Variants in PDZRN4 observed in about 807,000 individuals in gnomAD.
PDZRN4 encodes the protein PDZ domain-containing RING finger protein 4.
In PDZRN4, 70 loss-of-function variants were observed where a neutral mutation model predicts 99.0. The ratio of observed to expected loss-of-function variants is 0.71; its 90% CI spans 0.58 to 0.86. The LOEUF is 0.86. PDZRN4 is among the 40% of genes least tolerant of loss of function. The pLI, the probability that PDZRN4 is intolerant of heterozygous loss-of-function variation, is 0.00. For missense variants in PDZRN4, 1,474 were observed against 1,331.2 expected, an observed-to-expected ratio of 1.11 and a Z score of -1.67; for synonymous variants, 551 against 501.6, an observed-to-expected ratio of 1.10 and a Z score of -1.32.
intron 3 of PDZRN4, among the ~76,000 whole-genome samples, chr12:41,398,780 T>G (rs980765912): frequency 6.6e-6 from 1 of 152,206 alleles, no homozygotes; most frequent in Non-Finnish European, 1.5e-5. Context: ...ATGTAAATTA[T>G]AATACAAGAG....
chr12:41,344,121 T>C (rs950939661), intron 3 of PDZRN4, among the ~76,000 whole-genome samples: 1 of 152,148 alleles, frequency 6.6e-6, no homozygotes, highest in African/African-American at 2.4e-5. Context: ...ATACTGGTGA[T>C]CAAATAAGTT....
At chr12:41,525,198 G>A (rs927397772) in intron 5 of PDZRN4, among the ~76,000 whole-genome samples, 1 of 152,088 alleles carries the variant, frequency 6.6e-6, no homozygotes, top group Admixed American at 6.6e-5. Context: ...AGGCCTGGAT[G>A]AGAGAGTCCC....
In PDZRN4 at chr12:41,454,864, T is replaced by A. The variant is rs138638121; in HGVS notation, c.844-51592T>A. ...CACTTTCCAATAGAAATATCTGCGA[T>A]AATGGAAATATTCTATATTTGTTCC... On this transcript the variant is annotated intron_variant, in intron 3 of 9. Transcript: ENST00000402685. 3.6e-3 allele frequency among the ~76,000 whole-genome samples: 543 copies of A among 152,356 alleles called. 2 individuals are homozygous for A. The highest frequency in any genetic ancestry group is 0.012 in the African/African-American group (498 of 41,576).
At chr12:41,395,814 C>T (rs1204700886) in intron 3 of PDZRN4, among the ~76,000 whole-genome samples, 1 of 152,078 alleles carries the variant, frequency 6.6e-6, no homozygotes, top group South Asian at 2.1e-4. Context: ...TTTTGTTTAG[C>T]TGAATAGTAT....
intron 3 of PDZRN4, among the ~76,000 whole-genome samples, chr12:41,435,847 C>G (rs1011421299): frequency 6.6e-6 from 1 of 152,142 alleles, no homozygotes; most frequent in African/African-American, 2.4e-5. Context: ...ATCAATAATT[C>G]TTCCACAACT....
At chr12:41,336,231 G>C (rs962096702) in intron 3 of PDZRN4, among the ~76,000 whole-genome samples, 1 of 152,136 alleles carries the variant, frequency 6.6e-6, no homozygotes, top group Non-Finnish European at 1.5e-5. Context: ...GATTCAAAGA[G>C]AAGGAATAAA....
At chr12:41,233,207 T>C (rs1304707280) in intron 3 of PDZRN4, among the ~76,000 whole-genome samples, 2 of 152,134 alleles carry the variant, frequency 1.3e-5, no homozygotes, top group Non-Finnish European at 2.9e-5. Flanking sequence ...TCACTGGTCA[T>C]CAGAGAAATG....
At chr12:41,450,951 T>C (rs1485549636) in intron 3 of PDZRN4, among the ~76,000 whole-genome samples, 1 of 151,910 alleles carries the variant, frequency 6.6e-6, no homozygotes, top group Non-Finnish European at 1.5e-5. Context: ...AAACTACATA[T>C]ATGTATATAT....
At chr12:41,570,803 C>T (rs1273494219) in intron 9 of PDZRN4, among the ~76,000 whole-genome samples, 1 of 152,024 alleles carries the variant, frequency 6.6e-6, no homozygotes, top group East Asian at 1.9e-4. Flanking sequence ...TTGTTCGTTA[C>T]AGTTACTTAT....
intron 3 of PDZRN4, among the ~76,000 whole-genome samples, chr12:41,494,590 T>A (rs1167491105): frequency 6.6e-6 from 1 of 152,076 alleles, no homozygotes; most frequent in African/African-American, 2.4e-5. Flanking sequence ...TTACTTTATT[T>A]TTTTTTTGCC....
At chr12:41,499,921 A>C (rs925354145) in intron 3 of PDZRN4, among the ~76,000 whole-genome samples, 3 of 152,042 alleles carry the variant, frequency 2.0e-5, no homozygotes, top group Non-Finnish European at 4.4e-5. Context: ...ATACTGTTAC[A>C]TACGTAAGCA....
chr12:41,482,505 T>C lies in PDZRN4; in HGVS notation c.844-23951T>C, dbSNP rs544652132. 9.9e-5 allele frequency among the ~76,000 whole-genome samples: 15 copies of C among 152,232 alleles called. No individual in the cohort carries two copies. In the East Asian group the frequency reaches 2.9e-3, roughly 29 times the overall value. ...ATTCAATTAACAATCATTAAGTACT[T>C]AAAGTGGCAGGATCCATATCAGCTT... On this transcript the variant is annotated intron_variant, in intron 3 of 9. Coordinates refer to ENST00000402685, the MANE Select transcript of PDZRN4 (RefSeq NM_001164595.2).
chr12:41,555,148 A>G (rs568695654), intron 6 of PDZRN4, among the ~76,000 whole-genome samples: 15 of 148,748 alleles, frequency 1.0e-4, no homozygotes, highest in South Asian at 2.2e-4. Context: ...GGAGAATGGC[A>G]TGAACCCGAG....
chr12:41,460,031 G>A (rs1245109164), intron 3 of PDZRN4: 1 of 1,288,190 alleles, frequency 7.8e-7, no homozygotes, highest in Non-Finnish European at 1.0e-6. Context: ...GTATGTGTGG[G>A]ATCTTAGTTC....
intron 3 of PDZRN4, among the ~76,000 whole-genome samples, chr12:41,453,348 GAC>G (rs2120509071): frequency 6.6e-6 from 1 of 152,282 alleles, no homozygotes; most frequent in South Asian, 2.1e-4. Context: ...TCACTTATGA[GAC>G]AAGGTCGGGC....
chr12:41,341,432 T>C (rs1012480034), intron 3 of PDZRN4, among the ~76,000 whole-genome samples: 2 of 151,908 alleles, frequency 1.3e-5, no homozygotes, highest in African/African-American at 4.8e-5. Flanking sequence ...TTGCAGGAGA[T>C]GTGATCTTGT....
intron 3 of PDZRN4, among the ~76,000 whole-genome samples, chr12:41,330,761 A>G (rs888318155): frequency 3.3e-5 from 5 of 152,108 alleles, no homozygotes; most frequent in African/African-American, 1.2e-4. Context: ...TACTTTTTTA[A>G]GTTTCTCAAA....
At chr12:41,441,488 G>A (rs1001675990) in intron 3 of PDZRN4, among the ~76,000 whole-genome samples, 3 of 152,126 alleles carry the variant, frequency 2.0e-5, no homozygotes, top group African/African-American at 7.2e-5. Context: ...ATTGGCAGCA[G>A]CTGACAATGA....
At chr12:41,431,374 A>C (rs1449202134) in intron 3 of PDZRN4, among the ~76,000 whole-genome samples, 2 of 152,194 alleles carry the variant, frequency 1.3e-5, no homozygotes, top group Admixed American at 6.5e-5. Flanking sequence ...AGATTGAAAA[A>C]ACAATAATGA....
Sources: gnomAD v4.1 joint callset for allele counts (sites outside exome capture counted in the v4.1 genomes callset) on GRCh38, gnomAD v4.1.1 for gene constraint, MANE v1.5 for transcripts, NCBI Gene and HGNC (gene_info 2026-07-23, HGNC 2026-07-21) for gene names.